Variants in GLIS3 observed in about 807,000 individuals in gnomAD.
The protein encoded by GLIS3 is GLIS family zinc finger 3, also known as zinc finger protein GLIS3.
In GLIS3, 53 loss-of-function variants were observed where a neutral mutation model predicts 78.6. That is an observed-to-expected ratio of 0.67 (90% CI 0.54 to 0.85). The LOEUF (loss-of-function observed/expected upper bound fraction) is 0.85, where lower values mean the gene tolerates loss of function less well. GLIS3 is among the 40% of genes least tolerant of loss of function. The pLI is 0.00. For synonymous variants in GLIS3, 684 were observed against 509.9 expected, an observed-to-expected ratio of 1.34 and a Z score of -4.60; for missense variants, 1,703 against 1,231.1, an observed-to-expected ratio of 1.38 and a Z score of -5.74.
intron 3 of GLIS3, among the ~76,000 whole-genome samples, chr9:4,309,734 C>G (rs1172626713): frequency 6.6e-6 from 1 of 151,964 alleles, no homozygotes; most frequent in Non-Finnish European, 1.5e-5. Context: ...TATTTTTTAT[C>G]TTTACCAGTT....
At chr9:4,469,368 C>T in the GLIS3 span, among the ~76,000 whole-genome samples, 83,739 of 151,828 alleles carry the variant, frequency 0.55, 24,334 homozygotes, top group Middle Eastern at 0.66. Flanking sequence ...TATTCCAAAA[C>T]TGACCACATA....
intron 4 of GLIS3, among the ~76,000 whole-genome samples, chr9:4,076,127 T>C (rs900924554): frequency 3.3e-5 from 5 of 152,238 alleles, no homozygotes; most frequent in Non-Finnish European, 7.3e-5. Flanking sequence ...CTCTATTTAA[T>C]GTAAATTATA....
the GLIS3 span, among the ~76,000 whole-genome samples, chr9:4,442,596 T>C: frequency 6.6e-6 from 1 of 152,058 alleles, no homozygotes; most frequent in Middle Eastern, 3.2e-3. Context: ...TTTTATAATT[T>C]CTTATTTTTC....
At chr9:4,050,066 A>G (rs997821529) in intron 4 of GLIS3, among the ~76,000 whole-genome samples, 6 of 152,148 alleles carry the variant, frequency 3.9e-5, no homozygotes, top group Non-Finnish European at 8.8e-5. Context: ...TAGAACTAGA[A>G]ATACCATTTG....
chr9:4,396,951 T>C, the GLIS3 span, among the ~76,000 whole-genome samples: 3 of 151,932 alleles, frequency 2.0e-5, no homozygotes. Context: ...AACCTTTTCC[T>C]AAGCAGCTTC....
At chr9:4,298,883 G>A (rs1200022414) in intron 1 of GLIS3, among the ~76,000 whole-genome samples, 1 of 152,158 alleles carries the variant, frequency 6.6e-6, no homozygotes, top group Non-Finnish European at 1.5e-5. Flanking sequence ...CACAGGCGTG[G>A]AAAACAGCCT....
chr9:3,987,238 A>G (rs962527158), intron 4 of GLIS3, among the ~76,000 whole-genome samples: 1 of 152,132 alleles, frequency 6.6e-6, no homozygotes, highest in Non-Finnish European at 1.5e-5. Context: ...AAATTAGTGG[A>G]CTTGAGGGCA....
chr9:4,067,078 C>T (rs1337208734), intron 4 of GLIS3, among the ~76,000 whole-genome samples: 2 of 152,160 alleles, frequency 1.3e-5, no homozygotes, highest in African/African-American at 2.4e-5. Flanking sequence ...ATTCCTAGTT[C>T]CTTCCTTCCA....
At chr9:3,901,645 C>A (rs1185574695) in intron 6 of GLIS3, among the ~76,000 whole-genome samples, 1 of 152,138 alleles carries the variant, frequency 6.6e-6, no homozygotes, top group Non-Finnish European at 1.5e-5. Flanking sequence ...ATGTCCAGGT[C>A]TTAGCCCAAG....
chr9:4,070,013 AG>A (rs1008744271), intron 4 of GLIS3, among the ~76,000 whole-genome samples: 8 of 152,070 alleles, frequency 5.3e-5, no homozygotes, highest in African/African-American at 1.9e-4. Flanking sequence ...ATCAAGGCAC[AG>A]GGGCAGCCAT....
intron 2 of GLIS3, among the ~76,000 whole-genome samples, chr9:4,187,108 C>A (rs1268891593): frequency 6.6e-6 from 1 of 152,140 alleles, no homozygotes; most frequent in South Asian, 2.1e-4. Context: ...AGGTTTTCTT[C>A]CAGGGTTTTT....
At chr9:4,147,589 A>G (rs1181703220) in intron 2 of GLIS3, 2 of 152,280 alleles carry the variant, frequency 1.3e-5, no homozygotes, top group Non-Finnish European at 2.9e-5. Flanking sequence ...ACATTCAGGA[A>G]CTGCCAGGAC....
intron 2 of GLIS3, among the ~76,000 whole-genome samples, chr9:4,162,493 A>G (rs1414052227): frequency 6.6e-6 from 1 of 152,192 alleles, no homozygotes; most frequent in Non-Finnish European, 1.5e-5. Context: ...AGGTGATATA[A>G]TTCAATGAAT....
chr9:4,260,789 T>G (rs1825451698), intron 2 of GLIS3, among the ~76,000 whole-genome samples: 1 of 152,000 alleles, frequency 6.6e-6, no homozygotes, highest in Non-Finnish European at 1.5e-5. Context: ...GTCAAACACT[T>G]GCTCCATTCA....
chr9:4,407,274 C>T, the GLIS3 span, among the ~76,000 whole-genome samples: 1 of 152,194 alleles, frequency 6.6e-6, no homozygotes, highest in Non-Finnish European at 1.5e-5. Context: ...TTATCTCTCA[C>T]CATATACAAA....
chr9:4,023,989 G>A (rs895513293), intron 4 of GLIS3, among the ~76,000 whole-genome samples: 2 of 150,354 alleles, frequency 1.3e-5, no homozygotes, highest in African/African-American at 4.9e-5. Flanking sequence ...GTAAGACCAT[G>A]TTTCATTCAT....
chr9:3,900,657 TA>T (rs1823226983), intron 6 of GLIS3, among the ~76,000 whole-genome samples: 1 of 152,114 alleles, frequency 6.6e-6, no homozygotes, highest in Non-Finnish European at 1.5e-5. Flanking sequence ...TTCATGAACA[TA>T]AAAGCAAAAC....
intron 2 of GLIS3, among the ~76,000 whole-genome samples, chr9:4,315,299 T>C (rs1299898818): frequency 6.6e-6 from 1 of 152,196 alleles, no homozygotes; most frequent in African/African-American, 2.4e-5. Context: ...CAAGTGATCA[T>C]GCCTATCTCC....
chr9:4,259,284 G>A (rs137983389), intron 2 of GLIS3, among the ~76,000 whole-genome samples: 9 of 141,998 alleles, frequency 6.3e-5, no homozygotes, highest in African/African-American at 2.3e-4. Context: ...TATTTTCTAA[G>A]AGGAGTTAAT....
Sources: allele counts gnomAD v4.1 joint callset (sites outside exome capture counted in the v4.1 genomes callset), GRCh38; gene constraint gnomAD v4.1.1; transcripts MANE v1.5; gene names NCBI Gene and HGNC (gene_info 2026-07-23, HGNC 2026-07-21).